Variants in ADAMTS3 observed in about 807,000 individuals in gnomAD.
ADAMTS3 encodes the protein A disintegrin and metalloproteinase with thrombospondin motifs 3.
ADAMTS3 carries 73 observed loss-of-function variants against 129.0 expected under a neutral mutation model. The ratio of observed to expected loss-of-function variants is 0.57; its 90% CI spans 0.47 to 0.69. ADAMTS3 has a LOEUF of 0.69. ADAMTS3 is among the 30% of genes least tolerant of loss of function. The probability of loss-of-function intolerance (pLI) is 0.00; values close to 1 mark genes in which losing one functional copy is unlikely to be tolerated. For synonymous variants in ADAMTS3, 477 were observed against 510.8 expected (o/e 0.93, Z 0.89); for missense variants, 1,457 against 1,514.5 (o/e 0.96, Z 0.63).
chr4:72,373,872 A>G (rs553855494), intron 4 of ADAMTS3, among the ~76,000 whole-genome samples: 1 of 151,084 alleles, frequency 6.6e-6, no homozygotes, highest in African/African-American at 2.4e-5. Flanking sequence ...TGCACTCTAG[A>G]CTCTGTGTCA....
At chr4:72,567,496 C>A in intron 1 of ADAMTS3, 95 bp from the exon 2 acceptor site, 1 of 1,295,206 alleles carries the variant, frequency 7.7e-7, no homozygotes, top group South Asian at 1.3e-5. Context: ...TTTCCAAGAG[C>A]TAACTAATCA....
At chr4:72,503,996 T>C (rs1263147919) in intron 3 of ADAMTS3, among the ~76,000 whole-genome samples, 1 of 152,232 alleles carries the variant, frequency 6.6e-6, no homozygotes, top group East Asian at 1.9e-4. Context: ...TGTCATTATG[T>C]GTGAGATAGG....
At chr4:72,303,595 A>C (rs959552999) in intron 17 of ADAMTS3, among the ~76,000 whole-genome samples, 5 of 152,062 alleles carry the variant, frequency 3.3e-5, no homozygotes, top group Non-Finnish European at 7.4e-5. Flanking sequence ...CAGATGTACA[A>C]AGTAGAATGA....
rs1207919072 is a variant in ADAMTS3, at chr4:72,468,928, T to C, written c.505-53957A>G. Among the ~76,000 whole-genome samples, 6 of 152,066 alleles carry C rather than the reference T, an allele frequency of 3.9e-5. 1 individual carries two copies. Among genetic ancestry groups the C allele is most frequent in the Admixed American group, 2.6e-4 (4 of 15,238 alleles). ...GGAAAAAGCAGTCTCTGGTTTCCAA[T>C]AAAAAGATGGCACAGCATCTTTCTT... On this transcript the variant is annotated intron_variant, in intron 3 of 21. Coordinates refer to ENST00000286657, the MANE Select transcript of ADAMTS3 (RefSeq NM_014243.3).
In ADAMTS3 at chr4:72,303,808, T is replaced by C. The variant is rs1719014138; in HGVS notation, c.2424+109A>G. 5 of 1,129,944 alleles carry C rather than the reference T, an allele frequency of 4.4e-6. No individual in the cohort carries two copies. In the Admixed American group the frequency reaches 9.4e-5, roughly 21 times the overall value. 70.0% of individuals were successfully genotyped at this position (1,129,944 alleles called of 1,614,324 possible). The stretch of plus-strand genomic sequence containing the variant: ...TGGAATTATTTTAAAAAGCAACTCA[T>C]GTTTCAAAGTTCAAAGTACACTTAA... On this transcript the variant is annotated intron_variant, in intron 17 of 21. Transcript: ENST00000286657.
intron 4 of ADAMTS3, among the ~76,000 whole-genome samples, chr4:72,389,147 A>G (rs1358920210): frequency 6.6e-6 from 1 of 152,162 alleles, no homozygotes; most frequent in Non-Finnish European, 1.5e-5. Context: ...ACCCTTCTAA[A>G]TTCCAGTTTT....
At chr4:72,432,733 T>G (rs553601059) in intron 3 of ADAMTS3, among the ~76,000 whole-genome samples, 2 of 152,070 alleles carry the variant, frequency 1.3e-5, no homozygotes, top group East Asian at 3.9e-4. Context: ...ATGCTGATGG[T>G]ATCAAGGACC....
intron 4 of ADAMTS3, among the ~76,000 whole-genome samples, chr4:72,342,864 C>T (rs1720175094): frequency 2.0e-5 from 3 of 152,126 alleles, no homozygotes; most frequent in African/African-American, 4.8e-5. Flanking sequence ...ATTGAAGTGG[C>T]ATCGTTGTCT....
At chr4:72,493,647 T>C (rs1719802787) in intron 3 of ADAMTS3, among the ~76,000 whole-genome samples, 1 of 152,066 alleles carries the variant, frequency 6.6e-6, no homozygotes, top group South Asian at 2.1e-4. Flanking sequence ...TTACATTAAT[T>C]TGTACATGTC....
chr4:72,529,665 AT>A (rs1284870360), intron 3 of ADAMTS3, among the ~76,000 whole-genome samples: 2 of 128,182 alleles, frequency 1.6e-5, no homozygotes, highest in Non-Finnish European at 3.1e-5. Context: ...TATATATAAA[AT>A]ATTAAATATT....
intron 2 of ADAMTS3, among the ~76,000 whole-genome samples, chr4:72,565,593 T>A (rs1447989588): frequency 6.6e-6 from 1 of 152,174 alleles, no homozygotes; most frequent in African/African-American, 2.4e-5. Flanking sequence ...TTCATTCAAC[T>A]GGAAAACGAT....
intron 3 of ADAMTS3, among the ~76,000 whole-genome samples, chr4:72,524,026 C>T (rs779759466): frequency 6.6e-6 from 1 of 152,040 alleles, no homozygotes; most frequent in African/African-American, 2.4e-5. Flanking sequence ...GTTTTAACTG[C>T]CAAAAACTTT....
At chr4:72,353,250 C>A (rs1189335904) in intron 4 of ADAMTS3, among the ~76,000 whole-genome samples, 3 of 151,948 alleles carry the variant, frequency 2.0e-5, no homozygotes, top group Non-Finnish European at 4.4e-5. Flanking sequence ...AGTCATCATT[C>A]GTTCTAACCT....
intron 4 of ADAMTS3, among the ~76,000 whole-genome samples, chr4:72,408,780 T>C (rs1334863281): frequency 6.6e-6 from 1 of 150,660 alleles, no homozygotes; most frequent in African/African-American, 2.4e-5. Flanking sequence ...GATGAGTTCA[T>C]GTCCTTTGCA....
chr4:72,307,520 A>G (rs1719118885), intron 15 of ADAMTS3, among the ~76,000 whole-genome samples: 1 of 152,038 alleles, frequency 6.6e-6, no homozygotes, highest in East Asian at 1.9e-4. Context: ...GTCTTTAATT[A>G]GTGGAGGGTT....
intron 4 of ADAMTS3, among the ~76,000 whole-genome samples, chr4:72,392,722 A>T (rs965077947): frequency 6.6e-6 from 1 of 152,138 alleles, no homozygotes; most frequent in African/African-American, 2.4e-5. Context: ...AGCCAAGGGG[A>T]TAGGGGAATA....
intron 3 of ADAMTS3, among the ~76,000 whole-genome samples, chr4:72,488,613 CT>C (rs1404684412): frequency 6.6e-6 from 1 of 151,806 alleles, no homozygotes; most frequent in Non-Finnish European, 1.5e-5. Context: ...GCAGGGTAAT[CT>C]TTTTCAAGAT....
intron 15 of ADAMTS3, among the ~76,000 whole-genome samples, chr4:72,308,428 G>A (rs1014272384): frequency 6.6e-6 from 1 of 151,798 alleles, no homozygotes; most frequent in Non-Finnish European, 1.5e-5. Context: ...TTTTATAAAA[G>A]GAAAAGTTAC....
At chr4:72,463,017 C>A (rs1376504040) in intron 3 of ADAMTS3, among the ~76,000 whole-genome samples, 2 of 151,956 alleles carry the variant, frequency 1.3e-5, no homozygotes, top group African/African-American at 4.8e-5. Flanking sequence ...AACTTCCAGT[C>A]CTGAAAGCTC....
Sources: allele counts gnomAD v4.1 joint callset (sites outside exome capture counted in the v4.1 genomes callset), GRCh38; gene constraint gnomAD v4.1.1; transcripts MANE v1.5; gene names NCBI Gene and HGNC (gene_info 2026-07-23, HGNC 2026-07-21).